GRIA4: variants seen among roughly 807,000 people sequenced by gnomAD.
GRIA4 encodes glutamate receptor 4.
In GRIA4, 34 loss-of-function variants were observed where a neutral mutation model predicts 104.0. That is an observed-to-expected ratio of 0.33 (90% CI 0.25 to 0.44). The LOEUF is 0.44. Among genes scored for constraint, GRIA4 ranks in the 20% least tolerant of loss-of-function variants. The pLI, the probability that GRIA4 is intolerant of heterozygous loss-of-function variation, is 1.00. For synonymous variants in GRIA4, 386 were observed against 381.9 expected (o/e 1.01, Z -0.13); for missense variants, 750 against 1,096.5 (o/e 0.68, Z 4.46).
chr11:105,725,286 A>C (rs1938124210), intron 3 of GRIA4, among the ~76,000 whole-genome samples: 1 of 152,160 alleles, frequency 6.6e-6, no homozygotes, highest in Non-Finnish European at 1.5e-5. Flanking sequence ...AAAAGTTCTA[A>C]GTATTCTCAG....
At chr11:105,702,677 C>T (rs981751136) in intron 3 of GRIA4, among the ~76,000 whole-genome samples, 2 of 135,144 alleles carry the variant, frequency 1.5e-5, no homozygotes, top group Non-Finnish European at 3.2e-5. Flanking sequence ...ATAAGATATG[C>T]AAAATTATTT....
At chr11:105,825,642 G>A (rs1207918762) in intron 4 of GRIA4, among the ~76,000 whole-genome samples, 3 of 152,140 alleles carry the variant, frequency 2.0e-5, no homozygotes, top group South Asian at 4.1e-4. Flanking sequence ...AAGAGACAAA[G>A]ATCTCCAAAC....
chr11:105,647,282 A>G (rs779006080), intron 3 of GRIA4, among the ~76,000 whole-genome samples: 1 of 152,192 alleles, frequency 6.6e-6, no homozygotes, highest in Non-Finnish European at 1.5e-5. Flanking sequence ...ATTACTAAAA[A>G]GTCAAAAAAT....
intron 3 of GRIA4, among the ~76,000 whole-genome samples, chr11:105,704,962 T>C (rs1267650019): frequency 6.6e-6 from 1 of 152,086 alleles, no homozygotes; most frequent in Non-Finnish European, 1.5e-5. Flanking sequence ...AGTAAAACAC[T>C]GGAGAAGAAA....
At chr11:105,680,740 C>G (rs962201300) in intron 3 of GRIA4, among the ~76,000 whole-genome samples, 2 of 152,120 alleles carry the variant, frequency 1.3e-5, no homozygotes, top group East Asian at 3.9e-4. Flanking sequence ...TGAGGTTTCT[C>G]AGCTAATTTT....
intron 4 of GRIA4, chr11:105,797,899 A>G (rs1193099667): frequency 1.2e-5 from 5 of 423,784 alleles, no homozygotes; most frequent in Admixed American, 1.1e-4. Context: ...AAATTTAAAC[A>G]ATGGAAATTA....
chr11:105,768,230 C>T (rs1196826723), intron 4 of GRIA4, among the ~76,000 whole-genome samples: 1 of 151,960 alleles, frequency 6.6e-6, no homozygotes, highest in Non-Finnish European at 1.5e-5. Context: ...AAGTTTAATA[C>T]TGAAAGTAAA....
At chr11:105,870,032 A>T (rs1261505606) in intron 5 of GRIA4, among the ~76,000 whole-genome samples, 2 of 151,982 alleles carry the variant, frequency 1.3e-5, no homozygotes, top group Non-Finnish European at 2.9e-5. Flanking sequence ...CATTTTTTAA[A>T]GTTTTTTCCC....
intron 13 of GRIA4, among the ~76,000 whole-genome samples, chr11:105,932,048 T>TG (rs1365395763): frequency 7.9e-6 from 1 of 127,132 alleles, no homozygotes; most frequent in African/African-American, 2.6e-5. Flanking sequence ...AGGTCTTCAC[T>TG]TTTTTTTTTT....
intron 3 of GRIA4, among the ~76,000 whole-genome samples, chr11:105,742,325 A>T (rs1939363432): frequency 6.6e-6 from 1 of 152,096 alleles, no homozygotes. Context: ...CTAATCTTTG[A>T]TTTATGAAAT....
chr11:105,954,009 T>C (rs1400519369), intron 14 of GRIA4, among the ~76,000 whole-genome samples: 2 of 152,176 alleles, frequency 1.3e-5, no homozygotes, highest in African/African-American at 4.8e-5. Flanking sequence ...ACCTTGTCTA[T>C]ATAAATATGT....
chr11:105,935,351 T>C (rs1948003751), intron 14 of GRIA4, among the ~76,000 whole-genome samples: 1 of 152,106 alleles, frequency 6.6e-6, no homozygotes, highest in Admixed American at 6.6e-5. Flanking sequence ...CCATATGAAA[T>C]TGAAGAAATG....
intron 3 of GRIA4, among the ~76,000 whole-genome samples, chr11:105,634,449 GA>G (rs1424434798): frequency 1.5e-5 from 2 of 132,928 alleles, no homozygotes; most frequent in African/African-American, 6.0e-5. Context: ...AGGAAGGAAG[GA>G]GAAAGAAAGA....
intron 3 of GRIA4, among the ~76,000 whole-genome samples, chr11:105,732,114 T>C (rs1161023591): frequency 3.3e-5 from 5 of 152,102 alleles, no homozygotes; most frequent in Non-Finnish European, 7.4e-5. Flanking sequence ...ACAGCTACTA[T>C]CTCTAGGCTG....
intron 4 of GRIA4, among the ~76,000 whole-genome samples, chr11:105,859,732 CA>C (rs886662107): frequency 6.6e-6 from 1 of 150,596 alleles, no homozygotes; most frequent in South Asian, 2.1e-4. Flanking sequence ...CTCAAGCAAA[CA>C]AAAAAAATCT....
intron 7 of GRIA4, among the ~76,000 whole-genome samples, chr11:105,899,030 T>C (rs1946762535): frequency 6.6e-6 from 1 of 152,172 alleles, no homozygotes; most frequent in African/African-American, 2.4e-5. Context: ...AAATTCCAAC[T>C]TAGTGGTTTG....
intron 12 of GRIA4, 109 bp from the exon 13 acceptor site, chr11:105,926,632 T>C (rs1203332897): frequency 2.8e-6 from 2 of 712,608 alleles, no homozygotes; most frequent in African/African-American, 1.8e-5. Flanking sequence ...AATAAAACAA[T>C]ACTTGGCAAT....
intron 9 of GRIA4, among the ~76,000 whole-genome samples, chr11:105,906,790 G>A (rs1336237665): frequency 6.6e-6 from 1 of 152,088 alleles, no homozygotes; most frequent in Non-Finnish European, 1.5e-5. Flanking sequence ...GAGATGTTAA[G>A]AACAGCCCAC....
chr11:105,887,185 T>A (rs1307885026), intron 5 of GRIA4, among the ~76,000 whole-genome samples: 4 of 152,102 alleles, frequency 2.6e-5, no homozygotes, highest in African/African-American at 9.7e-5. Flanking sequence ...ATTCTTCGGA[T>A]GAAAATCATT....
Sources: gnomAD v4.1 joint callset for allele counts (sites outside exome capture counted in the v4.1 genomes callset) on GRCh38, gnomAD v4.1.1 for gene constraint, MANE v1.5 for transcripts, NCBI Gene and HGNC (gene_info 2026-07-23, HGNC 2026-07-21) for gene names.